AGAP5: variants seen among roughly 807,000 people sequenced by gnomAD.
AGAP5 encodes the protein ArfGAP with GTPase domain, ankyrin repeat and PH domain 5.
In AGAP5, 8 loss-of-function variants were observed where a neutral mutation model predicts 27.7. The observed-to-expected ratio is 0.29, with a 90% CI of 0.17 to 0.52. The LOEUF (loss-of-function observed/expected upper bound fraction) is 0.52, where lower values mean the gene tolerates loss of function less well. Ranked by LOEUF, AGAP5 falls within the 20% of genes least tolerant of loss-of-function variation. The probability of loss-of-function intolerance (pLI) is 0.97; values close to 1 mark genes in which losing one functional copy is unlikely to be tolerated. For missense variants in AGAP5, 285 were observed against 880.8 expected, an observed-to-expected ratio of 0.32 and a Z score of 8.56; for synonymous variants, 111 against 338.0, an observed-to-expected ratio of 0.33 and a Z score of 7.37.
chr10:73,675,361 G>C lies in AGAP5; in HGVS notation c.1299C>G (p.Ala433=), dbSNP rs2132437187. 3 of 1,614,006 alleles carry C rather than the reference G, an allele frequency of 1.9e-6. No homozygotes were observed. Among genetic ancestry groups the C allele is most frequent in the East Asian group, 2.2e-5 (1 of 44,888 alleles). ...TCTGGCTCTGGATGGCTTGGACCCA[G>C]GCATCCCGCTCCTCATACGTCGTGG... ...FEATTYEERD[A]WVQAIQSQIL... The change falls in exon 8 of 8, where the codon GCC becomes GCG. Residue 433 remains alanine, a synonymous_variant. Coordinates refer to ENST00000374094, the MANE Select transcript of AGAP5 (RefSeq NM_001144000.4).
At chr10:73,687,945 C>T (rs983263239) in intron 4 of AGAP5, among the ~76,000 whole-genome samples, 1 of 152,020 alleles carries the variant, frequency 6.6e-6, no homozygotes, top group African/African-American at 2.4e-5. Context: ...GCCAGTTTGT[C>T]TTGCAGAACT....
intron 6 of AGAP5, among the ~76,000 whole-genome samples, chr10:73,678,908 C>CA (rs1185344579): frequency 6.6e-6 from 1 of 151,668 alleles, no homozygotes; most frequent in African/African-American, 2.4e-5. Flanking sequence ...GGCTGGGGTG[C>CA]AATGGCGAGA....
rs1319191816 is a variant in AGAP5, at chr10:73,697,701, G to A, written c.55C>T (p.Gln19Ter). The A allele has an allele frequency of 6.3e-7, 1 of 1,598,408 alleles. No individual in the cohort carries two copies. The highest frequency in any genetic ancestry group is 1.7e-5 in the Admixed American group (1 of 60,008). Reference protein sequence around the residue: ...VHPSVSLEFDQQQGSVCPSES... With the variant: ...VHPSVSLEFD Reference sequence around the variant, plus strand: ...GAGGGACACACCGACCCCTGTTGCTGGTCAAACTCGAGGCTGACGCTAGGG... The same window carrying A: ...GAGGGACACACCGACCCCTGTTGCTAGTCAAACTCGAGGCTGACGCTAGGG... The change falls in exon 1 of 8, where the codon CAG (glutamine) becomes TAG (stop). Residue 19 changes from glutamine to a stop codon, truncating the protein, a stop_gained. Coordinates refer to ENST00000374094, the MANE Select transcript of AGAP5 (RefSeq NM_001144000.4). LOFTEE classifies it high-confidence loss of function.
intron 7 of AGAP5, among the ~76,000 whole-genome samples, 185 bp downstream of exon 7, chr10:73,676,534 T>C (rs1387474821): frequency 6.8e-6 from 1 of 147,308 alleles, no homozygotes; most frequent in Non-Finnish European, 1.5e-5. Context: ...TATTTACTCA[T>C]ACTAGCTCAC....
At chr10:73,693,541 A>G (rs1255658237) in intron 3 of AGAP5, among the ~76,000 whole-genome samples, 2 of 151,814 alleles carry the variant, frequency 1.3e-5, no homozygotes, top group Non-Finnish European at 2.9e-5. Flanking sequence ...TCTACCAAAA[A>G]TACAGAAATT....
intron 3 of AGAP5, among the ~76,000 whole-genome samples, chr10:73,694,202 G>A (rs1426701590): frequency 3.3e-5 from 5 of 152,164 alleles, no homozygotes; most frequent in African/African-American, 1.2e-4. Context: ...TACATCAAAT[G>A]AAAAAGTTAA....
chr10:73,689,178 G>A (rs1379779262), intron 4 of AGAP5, among the ~76,000 whole-genome samples: 2 of 152,226 alleles, frequency 1.3e-5, no homozygotes, highest in African/African-American at 2.4e-5. Context: ...TGGTGGAGAC[G>A]GGGTTTCGCT....
chr10:73,686,907 G>C (rs28417886), intron 4 of AGAP5, among the ~76,000 whole-genome samples: 2 of 151,872 alleles, frequency 1.3e-5, no homozygotes, highest in Non-Finnish European at 2.9e-5. Context: ...TTCTCTTTCA[G>C]ATGTGGGAGC....
At chr10:73,692,159 C>G in intron 3 of AGAP5, 82 bp from the exon 4 acceptor site, 1 of 530,598 alleles carries the variant, frequency 1.9e-6, no homozygotes, top group South Asian at 2.5e-5. Flanking sequence ...ACTGATTACT[C>G]CTATGTAAAA....
Position 73,697,576 on chromosome 10 carries a change from C to G in AGAP5, c.180G>C (p.Glu60Asp), listed in dbSNP as rs374763047. ...QPAEVTVEVG[E>D]DLHMHHIRDQ... is the part of the protein sequence containing the mutation. ...CACGAATGTGGTGCATGTGGAGGTCCTCACCAACTTCAACGGTCACCTCAG... is the reference window on the plus strand; with the variant it reads ...CACGAATGTGGTGCATGTGGAGGTCGTCACCAACTTCAACGGTCACCTCAG... The change falls in exon 1 of 8, where the codon GAG (glutamate) becomes GAC (aspartate). Residue 60 changes from glutamate (E) to aspartate (D), a missense_variant. Physicochemically the swap from Glu to Asp is conservative, Grantham distance 45. Transcript: ENST00000374094. The G allele has an allele frequency of 1.4e-5, 23 of 1,612,754 alleles. No individual in the cohort carries two copies. In the Middle Eastern group the frequency reaches 6.7e-4, roughly 47 times the overall value.
intron 4 of AGAP5, among the ~76,000 whole-genome samples, chr10:73,689,856 T>TGG (rs1055079616): frequency 2.1e-5 from 3 of 144,354 alleles, no homozygotes; most frequent in African/African-American, 7.9e-5. Flanking sequence ...AGGAGGGAGG[T>TGG]GGGGGGGGTC....
Position 73,688,085 on chromosome 10 carries a change from C to T in AGAP5, c.396+3958G>A, listed in dbSNP as rs145540775. 2.1e-3 allele frequency among the ~76,000 whole-genome samples: 313 copies of T among 152,070 alleles called. 13 individuals carry two copies. In the East Asian group the frequency reaches 0.048, roughly 23 times the overall value. ...CAAGTCCACCTGTCCTTCCATCTGACAAGAAACTTAGATGTGTGTTCTCTG... is the reference window on the plus strand; with the variant it reads ...CAAGTCCACCTGTCCTTCCATCTGATAAGAAACTTAGATGTGTGTTCTCTG... On this transcript the variant is annotated intron_variant, in intron 4 of 7. Transcript: ENST00000374094.
At position 73,675,797 on chromosome 10, in the gene AGAP5, A is replaced by G. The variant is rs1380287642; in HGVS notation, c.863T>C (p.Met288Thr). 6.2e-7 allele frequency: 1 copy of G among 1,612,566 alleles called. No individual in the cohort carries two copies. Among genetic ancestry groups the G allele is most frequent in the East Asian group, 2.2e-5 (1 of 44,876 alleles). ...SGRAIPIKQG[M>T]LLKRSGKWLK... ...CCATTTCCCACTTCGCTTTAAGAGCATGCCCTGTTTAATGGGGATGGCTCT... is the reference window on the plus strand; with the variant it reads ...CCATTTCCCACTTCGCTTTAAGAGCGTGCCCTGTTTAATGGGGATGGCTCT... Residue 288 changes from methionine to threonine, a missense_variant, in exon 8 of 8, where the codon ATG becomes ACG. Transcript: ENST00000374094.
In AGAP5 at chr10:73,698,070, C is replaced by G; in HGVS notation, c.-315G>C. The G allele has an allele frequency of 7.5e-7, 1 of 1,337,602 alleles. No homozygotes were observed. The allele number at this position is 1,337,602 out of a possible 1,614,324, so 82.9% of individuals were successfully genotyped here. A position where few individuals can be genotyped will look rare whatever the true frequency, so the allele number is the denominator to read the frequency against. On this transcript the variant is annotated 5_prime_UTR_variant, in exon 1 of 8. Coordinates refer to ENST00000374094, the MANE Select transcript of AGAP5 (RefSeq NM_001144000.4). ...ACACAACAACTGCCTGAAGAGAGAA[C>G]AGACGGAGCTCCTCCTCCTTCTGTA...
rs1427490750 is a variant in AGAP5, at chr10:73,687,928, G to C, written c.396+4115C>G. On this transcript the variant is annotated intron_variant, in intron 4 of 7. Coordinates refer to ENST00000374094, the MANE Select transcript of AGAP5 (RefSeq NM_001144000.4). ...GTGCCTACAGAAAGTGACTGGAACA[G>C]AAGCAAGCCAGTTTGTCTTGCAGAA... Among the ~76,000 whole-genome samples, 3 of 152,062 alleles carry C rather than the reference G, an allele frequency of 2.0e-5. No individual in the cohort carries two copies. The East Asian group carries it at 5.8e-4, about 29-fold the overall frequency.
chr10:73,679,434 T>C (rs2082007235), intron 6 of AGAP5, among the ~76,000 whole-genome samples: 2 of 152,084 alleles, frequency 1.3e-5, no homozygotes, highest in African/African-American at 2.4e-5. Flanking sequence ...AGTGCTGGGA[T>C]TACAGGCGTG....
At chr10:73,685,871 C>T (rs1464294957) in intron 4 of AGAP5, among the ~76,000 whole-genome samples, 1 of 151,948 alleles carries the variant, frequency 6.6e-6, no homozygotes, top group African/African-American at 2.4e-5. Context: ...TTTGATATGC[C>T]GTTGGGAACT....
intron 3 of AGAP5, among the ~76,000 whole-genome samples, chr10:73,692,457 A>G (rs2082127587): frequency 6.6e-6 from 1 of 152,016 alleles, no homozygotes; most frequent in South Asian, 2.1e-4. Flanking sequence ...TAATTATCAG[A>G]CTCTAAGAGC....
rs529816165 is a variant in AGAP5, at chr10:73,690,537, C to T, written c.396+1506G>A. 8.2e-4 allele frequency among the ~76,000 whole-genome samples: 124 copies of T among 151,168 alleles called. 1 individual carries two copies. Among genetic ancestry groups the T allele is most frequent in the African/African-American group, 2.5e-3 (102 of 41,160 alleles). On this transcript the variant is annotated intron_variant, in intron 4 of 7. Coordinates refer to ENST00000374094, the MANE Select transcript of AGAP5 (RefSeq NM_001144000.4). ...TTTGTTCACTTGTTTATCTGCTGAC[C>T]TTCCCTCCACTATTGTCCTGTGACC...
Sources: allele counts gnomAD v4.1 joint callset (sites outside exome capture counted in the v4.1 genomes callset), GRCh38; gene constraint gnomAD v4.1.1; transcripts MANE v1.5; gene names NCBI Gene and HGNC (gene_info 2026-07-23, HGNC 2026-07-21).